SLC35F4: variants seen among roughly 807,000 people sequenced by gnomAD.
SLC35F4 encodes chromosome 14 open reading frame 36.
SLC35F4 carries 24 observed loss-of-function variants against 44.2 expected under a neutral mutation model. The observed-to-expected ratio is 0.54, with a 90% CI of 0.39 to 0.76. The LOEUF is 0.76. SLC35F4 is among the 30% of genes least tolerant of loss of function. The pLI, the probability that SLC35F4 is intolerant of heterozygous loss-of-function variation, is 0.00. For missense variants in SLC35F4, 562 were observed against 586.1 expected, an observed-to-expected ratio of 0.96 and a Z score of 0.42; for synonymous variants, 238 against 223.6, an observed-to-expected ratio of 1.06 and a Z score of -0.57.
upstream of SLC35F4, among the ~76,000 whole-genome samples, chr14:57,866,456 T>C (rs537658070): frequency 6.6e-6 from 1 of 152,320 alleles, no homozygotes; most frequent in South Asian, 2.1e-4. Context: ...CGTTAGTCAG[T>C]CCTTGCAACT....
chr14:57,867,547 T>A (rs1888202132), upstream of SLC35F4, among the ~76,000 whole-genome samples: 1 of 151,696 alleles, frequency 6.6e-6, no homozygotes, highest in African/African-American at 2.4e-5. Flanking sequence ...CCAACACTAG[T>A]GCAGTGATGG....
chr14:57,782,441 G>A (rs2077646346), intron 1 of SLC35F4, among the ~76,000 whole-genome samples: 1 of 151,740 alleles, frequency 6.6e-6, no homozygotes, highest in Non-Finnish European at 1.5e-5. Flanking sequence ...TAGTCTATTT[G>A]GACATTTAAC....
intron 1 of SLC35F4, among the ~76,000 whole-genome samples, chr14:57,759,924 T>C (rs2077085604): frequency 6.6e-6 from 1 of 151,946 alleles, no homozygotes; most frequent in African/African-American, 2.4e-5. Context: ...TTAAGGAGTT[T>C]TCTAATATAT....
chr14:57,843,364 T>A (rs1186211244), intron 1 of SLC35F4, among the ~76,000 whole-genome samples: 1 of 152,098 alleles, frequency 6.6e-6, no homozygotes, highest in Non-Finnish European at 1.5e-5. Flanking sequence ...CACCCCTCCA[T>A]AGGCAGGCTA....
At chr14:57,746,557 A>T (rs544313120) in intron 1 of SLC35F4, among the ~76,000 whole-genome samples, 1 of 152,168 alleles carries the variant, frequency 6.6e-6, no homozygotes, top group East Asian at 1.9e-4. Context: ...TTGGTAATAT[A>T]TTTATTTTTT....
At chr14:57,688,001 A>G (rs557552012) in intron 1 of SLC35F4, among the ~76,000 whole-genome samples, 2 of 152,336 alleles carry the variant, frequency 1.3e-5, no homozygotes, top group East Asian at 3.9e-4. Context: ...AGAGAGGGAT[A>G]GTTCTCAATT....
In SLC35F4 at chr14:57,838,905, G is replaced by C. The variant is rs528352289; in HGVS notation, c.103+26818C>G. Among the ~76,000 whole-genome samples the C allele has an allele frequency of 4.6e-5, 7 of 152,184 alleles. No individual in the cohort carries two copies. The South Asian group carries it at 1.5e-3, about 32-fold the overall frequency. On this transcript the variant is annotated intron_variant, in intron 1 of 7. Transcript: ENST00000556826. ...TAGAGAATTCACATGAGAATGGCATGAATAAAAAATAGGTAGGGACCATAT... is the reference window on the plus strand; with the variant it reads ...TAGAGAATTCACATGAGAATGGCATCAATAAAAAATAGGTAGGGACCATAT...
chr14:57,972,108 C>T (rs1443725460), downstream of SLC35F4, among the ~76,000 whole-genome samples: 3 of 122,570 alleles, frequency 2.4e-5, no homozygotes, highest in Non-Finnish European at 3.8e-5. Flanking sequence ...TGATGTGTTC[C>T]AGAAACTAGT....
chr14:57,871,190 C>G (rs1017998316), intron 1 of SLC35F4, among the ~76,000 whole-genome samples: 2 of 152,126 alleles, frequency 1.3e-5, no homozygotes, highest in African/African-American at 4.8e-5. Flanking sequence ...CCAGAAGCAG[C>G]AGAGTCCCCA....
chr14:57,663,860 C>A (rs7154263), intron 1 of SLC35F4, among the ~76,000 whole-genome samples: 1 of 151,952 alleles, frequency 6.6e-6, no homozygotes, highest in Non-Finnish European at 1.5e-5. Flanking sequence ...AAAGAGATTG[C>A]AAATTGGCAG....
At position 57,664,001 on chromosome 14, in the gene SLC35F4, G is replaced by GAA. The variant is rs5808931; in HGVS notation, c.104-69879_104-69878dup. Among the ~76,000 whole-genome samples the GAA allele has an allele frequency of 3.3e-3, 494 of 150,496 alleles. 4 individuals are homozygous for GAA. Among genetic ancestry groups the GAA allele is most frequent in the African/African-American group, 0.012 (475 of 41,090 alleles). ...AAAAGTTGGATGTTCAGTTTTCATTGAAAAAAAAAATTCCTCATAGCAGTA... is the reference window on the plus strand; with the variant it reads ...AAAAGTTGGATGTTCAGTTTTCATTGAAAAAAAAAAAATTCCTCATAGCAGTA... On this transcript the variant is annotated intron_variant, in intron 1 of 7. Transcript: ENST00000556826.
intron 1 of SLC35F4, among the ~76,000 whole-genome samples, chr14:57,643,344 A>G (rs1377217748): frequency 6.6e-6 from 1 of 152,104 alleles, no homozygotes; most frequent in Non-Finnish European, 1.5e-5. Context: ...ATAAACTGAC[A>G]TTAAGTAAGA....
At chr14:57,981,164 G>A (rs1344238301) in intron 1 of SLC35F4, among the ~76,000 whole-genome samples, 2 of 152,182 alleles carry the variant, frequency 1.3e-5, no homozygotes. Flanking sequence ...CAAAAATGTC[G>A]CTGGTTTCTG....
intron 1 of SLC35F4, among the ~76,000 whole-genome samples, chr14:57,602,719 T>C (rs1265746469): frequency 1.3e-5 from 2 of 152,190 alleles, no homozygotes; most frequent in Admixed American, 6.5e-5. Context: ...GGAGCTCCAC[T>C]GTTATACTTG....
chr14:57,887,831 A>G (rs1888682504), intron 1 of SLC35F4, among the ~76,000 whole-genome samples: 1 of 152,186 alleles, frequency 6.6e-6, no homozygotes. Context: ...CTAACTGTGA[A>G]GTTTGCAGTT....
At chr14:57,738,384 C>T (rs1220585919) in intron 1 of SLC35F4, among the ~76,000 whole-genome samples, 1 of 152,104 alleles carries the variant, frequency 6.6e-6, no homozygotes, top group African/African-American at 2.4e-5. Flanking sequence ...TTCTCATGAA[C>T]TTCCCAGGAC....
At chr14:57,607,799 G>A (rs901195442) in intron 1 of SLC35F4, among the ~76,000 whole-genome samples, 2 of 152,184 alleles carry the variant, frequency 1.3e-5, no homozygotes, top group Non-Finnish European at 1.5e-5. Flanking sequence ...AGATTAAAGT[G>A]GCCTTGAAGA....
chr14:57,902,398 T>A (rs1889020502), intron 1 of SLC35F4, among the ~76,000 whole-genome samples: 1 of 151,966 alleles, frequency 6.6e-6, no homozygotes, highest in South Asian at 2.1e-4. Context: ...ACCCTGTCCC[T>A]ACTAAAACTT....
At chr14:57,804,697 G>C (rs1200365807) in intron 1 of SLC35F4, among the ~76,000 whole-genome samples, 1 of 152,114 alleles carries the variant, frequency 6.6e-6, no homozygotes, top group Non-Finnish European at 1.5e-5. Context: ...TAGCATTCAG[G>C]ACATAGGCAC....
Sources: gnomAD v4.1 joint callset for allele counts (sites outside exome capture counted in the v4.1 genomes callset) on GRCh38, gnomAD v4.1.1 for gene constraint, MANE v1.5 for transcripts, NCBI Gene and HGNC (gene_info 2026-07-23, HGNC 2026-07-21) for gene names.